The following LPCAT2 variants were observed in gnomAD, a reference collection of about 807,000 sequenced individuals.
The protein encoded by LPCAT2 is lysophosphatidylcholine acyltransferase 2, also known as 1-AGP acyltransferase 11.
A neutral mutation model predicts 64.7 loss-of-function variants in LPCAT2; 58 were observed. The observed-to-expected ratio is 0.90, with a 90% CI of 0.73 to 1.12. The LOEUF (loss-of-function observed/expected upper bound fraction) is 1.12, where lower values mean the gene tolerates loss of function less well. Ranked by LOEUF, LPCAT2 falls within the 50% of genes most tolerant of loss-of-function variation. The pLI is 0.00. For synonymous variants in LPCAT2, 252 were observed against 245.3 expected (o/e 1.03, Z -0.26); for missense variants, 579 against 669.8 (o/e 0.86, Z 1.50).
chr16:55,578,928 G>C, intron 12 of LPCAT2, 181 bp from the exon 13 acceptor site: 1 of 611,210 alleles, frequency 1.6e-6, no homozygotes, highest in East Asian at 2.8e-5. Context: ...TTTTAATCCT[G>C]TCTCTCTCAA....
chr16:55,570,570 C>G (rs753353487), intron 11 of LPCAT2, among the ~76,000 whole-genome samples: 1 of 151,946 alleles, frequency 6.6e-6, no homozygotes, highest in Non-Finnish European at 1.5e-5. Flanking sequence ...GGGGGTCCAG[C>G]CTGAGTGACA....
At chr16:55,545,877 T>A (rs1242987989) in intron 9 of LPCAT2, 60 bp downstream of exon 9, 4 of 1,333,686 alleles carry the variant, frequency 3.0e-6, no homozygotes, top group South Asian at 1.3e-5. Context: ...GTGCATGTCG[T>A]TTAACTCATT....
chr16:55,517,641 C>T (rs1963032025), intron 1 of LPCAT2, among the ~76,000 whole-genome samples: 1 of 152,068 alleles, frequency 6.6e-6, no homozygotes, highest in Admixed American at 6.5e-5. Flanking sequence ...GGAATTATAC[C>T]ATGGCAAAGT....
At chr16:55,550,928 T>C (rs757324391) in intron 10 of LPCAT2, 21 bp from the exon 11 acceptor site, 1 of 1,553,262 alleles carries the variant, frequency 6.4e-7, no homozygotes, top group South Asian at 1.2e-5. Flanking sequence ...AACATGTATC[T>C]ATAATTCTTT....
chr16:55,574,412 C>T (rs111697549), intron 11 of LPCAT2, among the ~76,000 whole-genome samples: 6 of 152,326 alleles, frequency 3.9e-5, no homozygotes, highest in African/African-American at 1.2e-4. Context: ...TGGCCCCAGT[C>T]ATAAAAAGTT....
At chr16:55,523,196 A>C (rs1963122423) in intron 1 of LPCAT2, among the ~76,000 whole-genome samples, 1 of 151,746 alleles carries the variant, frequency 6.6e-6, no homozygotes, top group Non-Finnish European at 1.5e-5. Flanking sequence ...GTATATGAAA[A>C]ATGTGTTCAA....
intron 11 of LPCAT2, among the ~76,000 whole-genome samples, chr16:55,561,297 T>G (rs1466656184): frequency 1.3e-5 from 2 of 152,006 alleles, no homozygotes; most frequent in Non-Finnish European, 2.9e-5. Flanking sequence ...TTGTGTACTT[T>G]TTAAGTCTAA....
chr16:55,556,058 AC>A (rs1963570820), intron 11 of LPCAT2, among the ~76,000 whole-genome samples: 1 of 152,048 alleles, frequency 6.6e-6, no homozygotes, highest in African/African-American at 2.4e-5. Flanking sequence ...CAGGTAATCC[AC>A]CCAACTTGGC....
intron 7 of LPCAT2, among the ~76,000 whole-genome samples, chr16:55,535,504 C>T (rs1224069747): frequency 4.6e-5 from 7 of 152,066 alleles, no homozygotes; most frequent in African/African-American, 9.7e-5. Flanking sequence ...ATTGAAGATA[C>T]ACAAATAACG....
At position 55,579,533 on chromosome 16, in the gene LPCAT2, A is replaced by C. The variant is rs571159961; in HGVS notation, c.1450+289A>C. On this transcript the variant is annotated intron_variant, in intron 13 of 13. Coordinates refer to ENST00000262134, the MANE Select transcript of LPCAT2 (RefSeq NM_017839.5). Reference sequence around the variant, plus strand: ...AATTATTCTTGTTTTACTAAGATACAAAGACTTTAAGTAACTTATCTAAGA... The same window carrying C: ...AATTATTCTTGTTTTACTAAGATACCAAGACTTTAAGTAACTTATCTAAGA... 2.6e-5 allele frequency among the ~76,000 whole-genome samples: 4 copies of C among 152,324 alleles called. No homozygotes were observed. The East Asian group carries it at 7.7e-4, about 29-fold the overall frequency.
chr16:55,536,539 A>G (rs1436467047), intron 7 of LPCAT2, among the ~76,000 whole-genome samples: 1 of 152,198 alleles, frequency 6.6e-6, no homozygotes, highest in Non-Finnish European at 1.5e-5. Context: ...TTAACAATTT[A>G]TAATTAATTA....
intron 8 of LPCAT2, among the ~76,000 whole-genome samples, chr16:55,542,786 T>C (rs1247499872): frequency 6.6e-6 from 1 of 152,096 alleles, no homozygotes; most frequent in African/African-American, 2.4e-5. Context: ...CACTAATGGA[T>C]AATGAGGGGA....
intron 8 of LPCAT2, among the ~76,000 whole-genome samples, chr16:55,544,310 A>C (rs1332038008): frequency 6.6e-6 from 1 of 152,192 alleles, no homozygotes; most frequent in African/African-American, 2.4e-5. Context: ...GATTTACCTC[A>C]AGGAATTGTT....
chr16:55,574,348 C>G (rs551284489), intron 11 of LPCAT2, among the ~76,000 whole-genome samples: 1 of 152,292 alleles, frequency 6.6e-6, no homozygotes, highest in South Asian at 2.1e-4. Context: ...GGGCTCCCAT[C>G]ATGGCAAAGC....
chr16:55,545,344 A>G (rs1963441116), intron 8 of LPCAT2: 1 of 160,384 alleles, frequency 6.2e-6, no homozygotes, highest in African/African-American at 2.4e-5. Flanking sequence ...AAGTTTTCAC[A>G]TAAAGGGATG....
chr16:55,551,204 A>G, intron 11 of LPCAT2, 102 bp downstream of exon 11: 2 of 1,063,968 alleles, frequency 1.9e-6, no homozygotes, highest in Non-Finnish European at 2.6e-6. Flanking sequence ...CAGTGTTAGA[A>G]GAATCAAGGC....
chr16:55,559,814 A>C (rs1963616969), intron 11 of LPCAT2, among the ~76,000 whole-genome samples: 1 of 151,786 alleles, frequency 6.6e-6, no homozygotes, highest in African/African-American at 2.4e-5. Context: ...TGACACATAA[A>C]CTTTTCTATT....
intron 11 of LPCAT2, among the ~76,000 whole-genome samples, chr16:55,559,597 T>G (rs1963613761): frequency 6.6e-6 from 1 of 152,156 alleles, no homozygotes; most frequent in African/African-American, 2.4e-5. Flanking sequence ...TTAGGTGGCT[T>G]AAATGACTGG....
intron 1 of LPCAT2, among the ~76,000 whole-genome samples, chr16:55,521,337 A>G (rs1001981943): frequency 6.6e-6 from 1 of 151,798 alleles, no homozygotes; most frequent in Admixed American, 6.6e-5. Context: ...TTTTGTATCC[A>G]CACATATACA....
Sources: allele counts gnomAD v4.1 joint callset (sites outside exome capture counted in the v4.1 genomes callset), GRCh38; gene constraint gnomAD v4.1.1; transcripts MANE v1.5; gene names NCBI Gene and HGNC (gene_info 2026-07-23, HGNC 2026-07-21).